The following CORO7 variants were observed in gnomAD, a reference collection of about 807,000 sequenced individuals.
The protein encoded by CORO7 is coronin-7.
CORO7 carries 107 observed loss-of-function variants against 126.6 expected under a neutral mutation model. That is an observed-to-expected ratio of 0.85 (90% CI 0.72 to 0.99). The LOEUF (loss-of-function observed/expected upper bound fraction) is 0.99, where lower values mean the gene tolerates loss of function less well. CORO7 is among the 50% of genes least tolerant of loss of function. CORO7 has a pLI of 0.00. For synonymous variants in CORO7, 603 were observed against 536.8 expected (o/e 1.12, Z -1.70); for missense variants, 1,314 against 1,255.8 (o/e 1.05, Z -0.70).
In CORO7 at chr16:4,382,907, A is replaced by G. The variant is rs1337908029; in HGVS notation, c.785+5079T>C. ...GCAAAGCCCTACATCTAAGCCAGAG[A>G]GAGACAGGGCAGCTGGGGCCGGGCT... On this transcript the variant is annotated intron_variant, in intron 9 of 27. Transcript: ENST00000251166. 6.0e-6 allele frequency: 9 copies of G among 1,497,610 alleles called. No homozygotes were observed. In the South Asian group the frequency reaches 9.6e-5, roughly 16 times the overall value. 92.8% of individuals were successfully genotyped at this position (1,497,610 alleles called of 1,614,324 possible).
At position 4,357,270 on chromosome 16, in the gene CORO7, G is replaced by A. The variant is rs750616448; in HGVS notation, c.2594-11C>T. 7 of 1,609,608 alleles carry A rather than the reference G, an allele frequency of 4.3e-6. No homozygotes were observed. The highest frequency in any genetic ancestry group is 3.4e-5 in the Admixed American group (2 of 59,004). ...GGGGGGCTTGGCTCACTGGGACAGA[G>A]CAAGGACACGTGTCAGAGAGTCCCC... is the stretch of plus-strand genomic sequence containing the variant. On this transcript the variant is annotated splice_polypyrimidine_tract_variant and intron_variant, in intron 25 of 27. Coordinates refer to ENST00000251166, the MANE Select transcript of CORO7 (RefSeq NM_024535.5).
At chr16:4,385,805 C>T (rs1380259135) in intron 9 of CORO7, among the ~76,000 whole-genome samples, 1 of 152,170 alleles carries the variant, frequency 6.6e-6, no homozygotes, top group Non-Finnish European at 1.5e-5. Flanking sequence ...GAGGAGGGGA[C>T]GGGGTGTGTG....
At chr16:4,371,041 C>A (rs1205293108) in intron 9 of CORO7, among the ~76,000 whole-genome samples, 1 of 152,254 alleles carries the variant, frequency 6.6e-6, no homozygotes, top group Non-Finnish European at 1.5e-5. Context: ...CTGGCACCCG[C>A]CCCTCCTGCC....
In CORO7 at chr16:4,381,394, C is replaced by T. The variant is rs367834711; in HGVS notation, c.785+6592G>A. 1.3e-5 allele frequency: 20 copies of T among 1,588,196 alleles called. No homozygotes were observed. In the African/African-American group the frequency reaches 2.4e-4, roughly 19 times the overall value. ...CCCGCTGCGCCTGCCCCGCCTGCTG[C>T]TGCTGGACCTCAGCCACAACAGCCT... On this transcript the variant is annotated intron_variant, in intron 9 of 27. Coordinates refer to ENST00000251166, the MANE Select transcript of CORO7 (RefSeq NM_024535.5).
rs200424979 is a variant in CORO7 at position 4,358,333 on chromosome 16, G to A, written c.2457+34C>T. ...ACTCCCCTCTAGGCACCGAGAAGGC[G>A]GTGGGCATGGGAGTCCCAGGTCCCC... On this transcript the variant is annotated intron_variant, in intron 24 of 27. Transcript: ENST00000251166. The A allele has an allele frequency of 9.9e-5, 159 of 1,605,596 alleles. No homozygotes were observed. In the African/African-American group the frequency reaches 1.1e-3, roughly 11 times the overall value.
chr16:4,385,194 GC>G (rs1234672857), intron 9 of CORO7, among the ~76,000 whole-genome samples: 1 of 152,170 alleles, frequency 6.6e-6, no homozygotes, highest in Non-Finnish European at 1.5e-5. Flanking sequence ...ACTGCAGCAG[GC>G]CCTGGGCCAT....
chr16:4,408,668 G>C (rs770471810), intron 3 of CORO7, among the ~76,000 whole-genome samples: 1 of 152,216 alleles, frequency 6.6e-6, no homozygotes, highest in African/African-American at 2.4e-5. Context: ...TGCAACCAAA[G>C]AACCTGAATG....
chr16:4,395,195 C>T, intron 7 of CORO7, 94 bp downstream of exon 7: 1 of 1,580,448 alleles, frequency 6.3e-7, no homozygotes, highest in African/African-American at 1.3e-5. Flanking sequence ...TCTGCCAGGA[C>T]CCCAGGCCTG....
In CORO7 at chr16:4,395,315, G is replaced by A. The variant is rs949997676; in HGVS notation, c.589C>T (p.Pro197Ser). ...TGAGAGGCCCGCGGCTTTGTTCTGG[G>A]GTCAAAGATCCGCAGCTGCTTGTCC... is the stretch of plus-strand genomic sequence containing the variant. Reference protein sequence around the residue: ...CKDKQLRIFDPRTKPRASQST... With the variant: ...CKDKQLRIFDSRTKPRASQST... Residue 197 changes from proline (P) to serine (S), a missense_variant, in exon 7 of 28, where the codon CCC (proline) becomes TCC (serine). Transcript: ENST00000251166. 3 of 1,613,920 alleles carry A rather than the reference G, an allele frequency of 1.9e-6. No individual in the cohort carries two copies. Among genetic ancestry groups the A allele is most frequent in the East Asian group, 2.2e-5 (1 of 44,900 alleles).
In CORO7 at chr16:4,383,382, T is replaced by A. The variant is rs910949282; in HGVS notation, c.785+4604A>T. 29 of 169,006 alleles carry A rather than the reference T, an allele frequency of 1.7e-4. 1 individual carries two copies. Among genetic ancestry groups the A allele is most frequent in the South Asian group, 2.1e-4 (1 of 4,850 alleles). 10.5% of individuals were successfully genotyped at this position (169,006 alleles called of 1,614,324 possible). On this transcript the variant is annotated intron_variant, in intron 9 of 27. Transcript: ENST00000251166. ...GCTTTAGGAACATGTTTTGCTTTTT[T>A]AAAATATATATATATTTATAAGAGA...
intron 9 of CORO7, chr16:4,381,402 C>T: frequency 1.3e-6 from 2 of 1,587,470 alleles, no homozygotes; most frequent in South Asian, 1.1e-5. Flanking sequence ...TGCTGCTGGA[C>T]CTCAGCCACA....
chr16:4,398,561 G>A (rs59906862), intron 6 of CORO7, among the ~76,000 whole-genome samples: 2,013 of 152,130 alleles, frequency 0.013, 44 homozygotes, highest in African/African-American at 0.046. Flanking sequence ...AGCTACTCGG[G>A]AGGCTGAGGA....
At chr16:4,397,476 G>A (rs8055628) in intron 6 of CORO7, 114,046 of 151,798 alleles carry the variant, frequency 0.75, 43,038 homozygotes, top group East Asian at 0.78. Flanking sequence ...AAAAGCTGCC[G>A]TAGGCCAGGC....
rs1183394929 is a variant in CORO7 at position 4,413,295 on chromosome 16, G to A, written c.157+13C>T. On this transcript the variant is annotated intron_variant, in intron 2 of 27. Transcript: ENST00000251166. ...TATGTGAGCAAATATCCACACTCATGGCCATTCCCTACCAGGACGGTCGGA... is the reference window on the plus strand; with the variant it reads ...TATGTGAGCAAATATCCACACTCATAGCCATTCCCTACCAGGACGGTCGGA... The A allele has an allele frequency of 3.0e-5, 47 of 1,565,082 alleles. No individual in the cohort carries two copies. Among genetic ancestry groups the A allele is most frequent in the Non-Finnish European group, 4.0e-5 (46 of 1,153,554 alleles).
rs568141197 is a variant in CORO7 at position 4,374,357 on chromosome 16, G to A, written c.786-8812C>T. Among the ~76,000 whole-genome samples the A allele has an allele frequency of 2.6e-4, 39 of 152,264 alleles. No homozygotes were observed. In the South Asian group the frequency reaches 6.2e-3, roughly 24 times the overall value. ...TCATTCCAGCCTCCCTGGGTGTGAG[G>A]AGGCTGGAGGAGGCTCCCTCAGGCC... On this transcript the variant is annotated intron_variant, in intron 9 of 27. Transcript: ENST00000251166.
At chr16:4,369,482 G>C (rs1388972818) in intron 9 of CORO7, among the ~76,000 whole-genome samples, 4 of 152,222 alleles carry the variant, frequency 2.6e-5, no homozygotes, top group Non-Finnish European at 5.9e-5. Context: ...TCTGTCCCAG[G>C]CATAAAGTTA....
chr16:4,398,451 C>CGGGAATCACT (rs1396583485), intron 6 of CORO7, among the ~76,000 whole-genome samples: 1 of 152,004 alleles, frequency 6.6e-6, no homozygotes, highest in Non-Finnish European at 1.5e-5. Flanking sequence ...GAATCACTTG[C>CGGGAATCACT]GGTAAGGAGC....
chr16:4,403,722 G>GGGC (rs2055895862), intron 6 of CORO7, among the ~76,000 whole-genome samples: 1 of 152,186 alleles, frequency 6.6e-6, no homozygotes, highest in Non-Finnish European at 1.5e-5. Context: ...ATAGTAAATA[G>GGGC]GGCTCGGACC....
At chr16:4,368,412 C>G (rs143879944) in intron 9 of CORO7, among the ~76,000 whole-genome samples, 42 of 152,132 alleles carry the variant, frequency 2.8e-4, no homozygotes, top group Admixed American at 2.8e-3. Flanking sequence ...ACTCGGCTGG[C>G]TGAGGCAGGA....
Sources: allele counts gnomAD v4.1 joint callset (sites outside exome capture counted in the v4.1 genomes callset), GRCh38; gene constraint gnomAD v4.1.1; transcripts MANE v1.5; gene names NCBI Gene and HGNC (gene_info 2026-07-23, HGNC 2026-07-21).